BICC1: variants seen among roughly 807,000 people sequenced by gnomAD.
The protein encoded by BICC1 is protein bicaudal C homolog 1.
In BICC1, 43 loss-of-function variants were observed where a neutral mutation model predicts 111.0. The observed-to-expected ratio is 0.39, with a 90% CI of 0.30 to 0.50. The LOEUF is 0.50. Ranked by LOEUF, BICC1 falls within the 20% of genes least tolerant of loss-of-function variation. The pLI is 0.88. For missense variants in BICC1, 1,091 were observed against 1,203.2 expected (o/e 0.91, Z 1.38); for synonymous variants, 467 against 434.4 (o/e 1.07, Z -0.93).
chr10:58,614,832 T>TG (rs1236087289), intron 1 of BICC1, among the ~76,000 whole-genome samples: 6 of 152,206 alleles, frequency 3.9e-5, no homozygotes, highest in Non-Finnish European at 8.8e-5. Flanking sequence ...AATTCTAAGT[T>TG]GTGAAGGAAT....
At chr10:58,697,219 T>G (rs946960887) in intron 2 of BICC1, among the ~76,000 whole-genome samples, 3 of 152,208 alleles carry the variant, frequency 2.0e-5, no homozygotes, top group Admixed American at 6.5e-5. Flanking sequence ...ATCACATGTT[T>G]CTTGGAAGTG....
chr10:58,800,444 C>A, intron 13 of BICC1, 118 bp downstream of exon 13: 1 of 931,482 alleles, frequency 1.1e-6, no homozygotes, highest in Non-Finnish European at 1.5e-6. Context: ...ATTCATCCTA[C>A]CTCAATTATG....
chr10:58,715,409 A>G (rs1180794048), intron 3 of BICC1: 1 of 597,898 alleles, frequency 1.7e-6, no homozygotes. Context: ...TATTCTACAC[A>G]CACATTTCTA....
At chr10:58,634,496 G>A (rs1439053920) in intron 2 of BICC1, among the ~76,000 whole-genome samples, 2 of 152,156 alleles carry the variant, frequency 1.3e-5, no homozygotes, top group Non-Finnish European at 2.9e-5. Context: ...TGAAAGTAAG[G>A]CCTTAGCATT....
chr10:58,685,672 A>G (rs143627729), intron 2 of BICC1, among the ~76,000 whole-genome samples: 1,577 of 152,210 alleles, frequency 0.01, 19 homozygotes, highest in Non-Finnish European at 0.016. Context: ...CTGTTTTATC[A>G]TAGACTAAGA....
At chr10:58,524,399 A>G (rs975066257) in intron 1 of BICC1, among the ~76,000 whole-genome samples, 4 of 152,102 alleles carry the variant, frequency 2.6e-5, no homozygotes, top group Non-Finnish European at 2.9e-5. Context: ...AATGCCGCAT[A>G]TCTACAACCA....
chr10:58,702,860 A>T (rs545865282), intron 3 of BICC1, among the ~76,000 whole-genome samples: 2 of 152,192 alleles, frequency 1.3e-5, no homozygotes, highest in Non-Finnish European at 2.9e-5. Context: ...TGTAATGACA[A>T]ATACCATCAA....
intron 2 of BICC1, among the ~76,000 whole-genome samples, chr10:58,695,423 A>T (rs968660176): frequency 6.6e-6 from 1 of 152,230 alleles, no homozygotes; most frequent in Admixed American, 6.5e-5. Flanking sequence ...AAAATAGAGC[A>T]CAAATTAGTT....
intron 1 of BICC1, among the ~76,000 whole-genome samples, chr10:58,531,199 G>C (rs1252676528): frequency 6.6e-6 from 1 of 151,796 alleles, no homozygotes; most frequent in Non-Finnish European, 1.5e-5. Context: ...ATGAGGAATA[G>C]GCATACTTTG....
At chr10:58,528,190 G>C (rs1017825150) in intron 1 of BICC1, among the ~76,000 whole-genome samples, 1 of 151,832 alleles carries the variant, frequency 6.6e-6, no homozygotes, top group Non-Finnish European at 1.5e-5. Flanking sequence ...GCAAAGTCAC[G>C]TGCTTGGCCT....
intron 3 of BICC1, among the ~76,000 whole-genome samples, chr10:58,760,428 A>G (rs973294792): frequency 6.6e-5 from 10 of 152,208 alleles, no homozygotes; most frequent in Admixed American, 2.0e-4. Context: ...CGTAATATAT[A>G]CATCACAACC....
intron 2 of BICC1, among the ~76,000 whole-genome samples, chr10:58,695,726 A>T (rs145204890): frequency 4.6e-5 from 7 of 152,288 alleles, no homozygotes; most frequent in African/African-American, 7.2e-5. Context: ...GTAAGATATT[A>T]TCCGGTAATT....
intron 1 of BICC1, among the ~76,000 whole-genome samples, chr10:58,592,438 C>T (rs1041330951): frequency 1.8e-4 from 28 of 152,086 alleles, no homozygotes; most frequent in African/African-American, 6.5e-4. Flanking sequence ...CTGGGCCAGT[C>T]GCAATGGCTC....
At chr10:58,778,800 T>G (rs1842812556) in intron 3 of BICC1, among the ~76,000 whole-genome samples, 1 of 152,224 alleles carries the variant, frequency 6.6e-6, no homozygotes, top group Admixed American at 6.5e-5. Flanking sequence ...ACGTTTTGCT[T>G]TAACTATGTG....
intron 5 of BICC1, 53 bp from the exon 6 acceptor site, chr10:58,788,317 A>C: frequency 5.3e-6 from 7 of 1,321,252 alleles, no homozygotes; most frequent in Non-Finnish European, 7.6e-6. Context: ...ACTGGAAAAG[A>C]GATGTGAGTT....
chr10:58,744,140 A>T (rs922408895), intron 3 of BICC1, among the ~76,000 whole-genome samples: 1 of 152,202 alleles, frequency 6.6e-6, no homozygotes, highest in South Asian at 2.1e-4. Flanking sequence ...AAAAAATTGA[A>T]TGATGATATC....
intron 3 of BICC1, among the ~76,000 whole-genome samples, chr10:58,703,834 G>T (rs1840311401): frequency 6.6e-6 from 1 of 152,162 alleles, no homozygotes; most frequent in Non-Finnish European, 1.5e-5. Flanking sequence ...TAATAAAAAT[G>T]CAACTTAATC....
At chr10:58,601,809 A>G (rs1366232970) in intron 1 of BICC1, among the ~76,000 whole-genome samples, 1 of 152,130 alleles carries the variant, frequency 6.6e-6, no homozygotes, top group East Asian at 1.9e-4. Context: ...ACCTGGGAAA[A>G]TACACCATTT....
chr10:58,693,396 A>G (rs1014819495), intron 2 of BICC1, among the ~76,000 whole-genome samples: 5 of 152,156 alleles, frequency 3.3e-5, no homozygotes, highest in African/African-American at 9.7e-5. Flanking sequence ...TGGCTGGGTC[A>G]AATGGTATTT....
Sources: gnomAD v4.1 joint callset for allele counts (sites outside exome capture counted in the v4.1 genomes callset) on GRCh38, gnomAD v4.1.1 for gene constraint, MANE v1.5 for transcripts, NCBI Gene and HGNC (gene_info 2026-07-23, HGNC 2026-07-21) for gene names.